Variants in UTS2 observed in about 807,000 individuals in gnomAD.
UTS2 encodes the protein urotensin-2.
Under a neutral mutation model 12.6 loss-of-function variants are expected in UTS2, and 10 were observed. The ratio of observed to expected loss-of-function variants is 0.80; its 90% CI spans 0.49 to 1.35. The LOEUF is 1.35. UTS2 is among the 40% of genes most tolerant of loss of function. The probability of loss-of-function intolerance (pLI) is 0.00; values close to 1 mark genes in which losing one functional copy is unlikely to be tolerated. For missense variants in UTS2, 142 were observed against 143.2 expected, an observed-to-expected ratio of 0.99 and a Z score of 0.04; for synonymous variants, 52 against 50.0, an observed-to-expected ratio of 1.04 and a Z score of -0.17.
the UTS2 span, among the ~76,000 whole-genome samples, chr1:7,901,012 T>G: frequency 6.6e-6 from 1 of 152,204 alleles, no homozygotes; most frequent in Non-Finnish European, 1.5e-5. Flanking sequence ...AGATTTTTAC[T>G]TCTGTTTCAA....
upstream of UTS2, among the ~76,000 whole-genome samples, chr1:7,856,788 C>T (rs1462463400): frequency 5.3e-5 from 8 of 152,000 alleles, no homozygotes; most frequent in African/African-American, 1.7e-4. Flanking sequence ...CAGCCGGGCA[C>T]GGTGGCTCAG....
rs2151383624 is a variant in UTS2 at position 7,852,895 on chromosome 1, T to C, written c.103+6A>G. On this transcript the variant is annotated splice_donor_region_variant and intron_variant, in intron 1 of 3. Transcript: ENST00000361696. ...GACTAACATAAGGGGAAAAAAAAAA[T>C]CTTACCTGAGAGTTGAAAGGATATT... 5 of 1,598,648 alleles carry C rather than the reference T, an allele frequency of 3.1e-6. No individual in the cohort carries two copies. Among genetic ancestry groups the C allele is most frequent in the Non-Finnish European group, 4.3e-6 (5 of 1,175,152 alleles).
the UTS2 span, among the ~76,000 whole-genome samples, chr1:7,861,283 G>C: frequency 3.3e-5 from 5 of 152,250 alleles, no homozygotes; most frequent in African/African-American, 1.2e-4. Context: ...TGGAAGTGTT[G>C]GTTTGGGGTG....
chr1:7,875,762 C>G, the UTS2 span, among the ~76,000 whole-genome samples: 3 of 152,082 alleles, frequency 2.0e-5, no homozygotes, highest in Non-Finnish European at 4.4e-5. Context: ...AGCCATCATT[C>G]AGGAACTTGA....
the UTS2 span, among the ~76,000 whole-genome samples, chr1:7,887,296 C>T: frequency 6.6e-6 from 1 of 151,858 alleles, no homozygotes; most frequent in African/African-American, 2.4e-5. Context: ...CAGGCAACAC[C>T]CTGCAGTGTG....
the UTS2 span, among the ~76,000 whole-genome samples, chr1:7,866,744 G>A: frequency 6.6e-6 from 1 of 152,138 alleles, no homozygotes; most frequent in African/African-American, 2.4e-5. This position sits in a 1 kb window ranked among gnomAD's most constrained non-coding sequence, Gnocchi z 4.5. Context: ...CAGTGCTGGT[G>A]CCACACTAGG....
At chr1:7,904,191 G>C in the UTS2 span, among the ~76,000 whole-genome samples, 3 of 151,984 alleles carry the variant, frequency 2.0e-5, no homozygotes, top group South Asian at 6.2e-4. Context: ...CTAATGAAAA[G>C]TAAAGATGGC....
the UTS2 span, among the ~76,000 whole-genome samples, chr1:7,871,065 C>T: frequency 6.6e-6 from 1 of 152,216 alleles, no homozygotes; most frequent in African/African-American, 2.4e-5. Context: ...AGGCTAAAGC[C>T]ACTGTTGGCA....
chr1:7,892,265 T>C, the UTS2 span, among the ~76,000 whole-genome samples: 38 of 152,218 alleles, frequency 2.5e-4, no homozygotes, highest in East Asian at 1.5e-3. Flanking sequence ...GAGTCTGAAA[T>C]GGGCCTCACT....
At chr1:7,849,706 G>A in intron 2 of UTS2, 23 bp from the exon 3 acceptor site, 1 of 1,599,690 alleles carries the variant, frequency 6.3e-7, no homozygotes, top group South Asian at 1.1e-5. Flanking sequence ...TTTGAAGCCA[G>A]TTCATCAGAT....
At chr1:7,853,170 C>A, upstream of UTS2, 4 of 1,490,876 alleles carry the variant, frequency 2.7e-6, no homozygotes, top group South Asian at 2.7e-5. Context: ...GGCTAAAAGG[C>A]AATCACTTTG....
At chr1:7,859,661 C>T in the UTS2 span, among the ~76,000 whole-genome samples, 35 of 152,322 alleles carry the variant, frequency 2.3e-4, no homozygotes, top group Admixed American at 1.8e-3. Context: ...ATCAGTGGGG[C>T]TATGTCACGT....
chr1:7,884,209 A>G, the UTS2 span, among the ~76,000 whole-genome samples: 1 of 152,130 alleles, frequency 6.6e-6, no homozygotes, highest in East Asian at 1.9e-4. Flanking sequence ...GGAACACAAT[A>G]TGTGCTCAAT....
At chr1:7,892,480 T>G in the UTS2 span, among the ~76,000 whole-genome samples, 4 of 142,354 alleles carry the variant, frequency 2.8e-5, no homozygotes, top group South Asian at 2.4e-4. Context: ...TTTTTTTTTT[T>G]TTTTTTTTTT....
chr1:7,906,163 C>A, the UTS2 span, among the ~76,000 whole-genome samples: 1 of 152,082 alleles, frequency 6.6e-6, no homozygotes, highest in Admixed American at 6.6e-5. Context: ...TTAATAGGGG[C>A]AGCTCCTGTT....
the UTS2 span, among the ~76,000 whole-genome samples, chr1:7,902,358 G>A: frequency 6.6e-6 from 1 of 152,196 alleles, no homozygotes; most frequent in East Asian, 1.9e-4. Flanking sequence ...CTGGGGGAAA[G>A]CGGGAAGTCG....
At chr1:7,872,341 AG>A in the UTS2 span, among the ~76,000 whole-genome samples, 61 of 138,018 alleles carry the variant, frequency 4.4e-4, 1 homozygote, top group Non-Finnish European at 1.5e-5. Context: ...AAAAAGAAAA[AG>A]AAAAAAAAGA....
At chr1:7,893,774 A>C in the UTS2 span, among the ~76,000 whole-genome samples, 2,322 of 152,026 alleles carry the variant, frequency 0.015, 57 homozygotes, top group African/African-American at 0.052. Context: ...GTCTCCATAC[A>C]CTCACCCATA....
At chr1:7,899,429 TG>T in the UTS2 span, among the ~76,000 whole-genome samples, 8 of 152,308 alleles carry the variant, frequency 5.3e-5, no homozygotes, top group Admixed American at 1.3e-4. Context: ...TGCAGTTAGG[TG>T]TTTTAAAAAA....
Sources: gnomAD v4.1 joint callset for allele counts (sites outside exome capture counted in the v4.1 genomes callset) on GRCh38, gnomAD v4.1.1 for gene constraint, Gnocchi (gnomAD v3.1) non-coding constraint, MANE v1.5 for transcripts, NCBI Gene and HGNC (gene_info 2026-07-23, HGNC 2026-07-21) for gene names.